Variants in PCDHGA9 observed in about 807,000 individuals in gnomAD.
The protein encoded by PCDHGA9 is protocadherin gamma subfamily A, 9, also known as protocadherin gamma-A9.
In PCDHGA9, 37 loss-of-function variants were observed where a neutral mutation model predicts 62.5. The observed-to-expected ratio is 0.59, with a 90% CI of 0.46 to 0.78. The LOEUF (loss-of-function observed/expected upper bound fraction) is 0.78. Ranked by LOEUF, PCDHGA9 falls within the 30% of genes least tolerant of loss-of-function variation. The pLI is 0.00. For synonymous variants in PCDHGA9, 459 were observed against 484.6 expected (o/e 0.95, Z 0.69); for missense variants, 1,138 against 1,166.2 (o/e 0.98, Z 0.35).
chr5:141,431,393 C>T lies in PCDHGA9; in HGVS notation c.2424+26017C>T, dbSNP rs1485575362. 5 of 1,613,884 alleles carry T rather than the reference C, an allele frequency of 3.1e-6. No individual in the cohort carries two copies. Among genetic ancestry groups the T allele is most frequent in the Non-Finnish European group, 4.2e-6 (5 of 1,180,048 alleles). On this transcript the variant is annotated intron_variant, in intron 1 of 3. Coordinates refer to ENST00000573521, the MANE Select transcript of PCDHGA9 (RefSeq NM_018921.3). The surrounding 1 kb of genome is among the most constrained non-coding windows in gnomAD (Gnocchi z 4.8). ...AGAAAAGGCTGCTCACCACCTGGTC[C>T]TTACGGCCTCCGACGGGGGCGACCC...
At chr5:141,436,425 G>A (rs2097823674) in intron 1 of PCDHGA9, among the ~76,000 whole-genome samples, 2 of 152,268 alleles carry the variant, frequency 1.3e-5, no homozygotes, top group Non-Finnish European at 2.9e-5. Context: ...AACAAATAAT[G>A]TACTCTGGGG....
intron 1 of PCDHGA9, among the ~76,000 whole-genome samples, chr5:141,447,276 A>G (rs2098532917): frequency 6.6e-6 from 1 of 151,994 alleles, no homozygotes; most frequent in South Asian, 2.1e-4. Flanking sequence ...AGTAGCTGGG[A>G]CTACAGGCAC....
chr5:141,428,222 C>A, intron 1 of PCDHGA9: 1 of 1,173,442 alleles, frequency 8.5e-7, no homozygotes, highest in Non-Finnish European at 1.2e-6. Flanking sequence ...CTAGTCTTCG[C>A]AGACAGCCTG....
At position 141,511,140 on chromosome 5, in the gene PCDHGA9, C is replaced by G. The variant is rs1405623579; in HGVS notation, c.2766C>G (p.Asn922Lys). Residue 922 changes from asparagine (N) to lysine (K), a missense_variant, in exon 4 of 4, where the codon AAC becomes AAG. Physicochemically the swap from Asn to Lys is moderately conservative, Grantham distance 94. Transcript: ENST00000573521. ...AGGCCCCAGCAGGTGGCAATGGCAACAAGAAGAAGTCGGGCAAGAAGGAGA... is the reference window on the plus strand; with the variant it reads ...AGGCCCCAGCAGGTGGCAATGGCAAGAAGAAGAAGTCGGGCAAGAAGGAGA... Reference protein sequence around the residue: ...DGKAPAGGNGNKKKSGKKEKK With the variant: ...DGKAPAGGNGKKKKSGKKEKK 2.5e-6 allele frequency: 4 copies of G among 1,614,068 alleles called. No homozygotes were observed. Among genetic ancestry groups the G allele is most frequent in the Admixed American group, 1.7e-5 (1 of 60,008 alleles).
At chr5:141,414,241 C>T in intron 1 of PCDHGA9, 1 of 1,613,472 alleles carries the variant, frequency 6.2e-7, no homozygotes, top group Non-Finnish European at 8.5e-7. Context: ...CATCACGTCT[C>T]TATTTAGTCC....
intron 1 of PCDHGA9, chr5:141,427,761 G>A (rs1228905550): frequency 3.7e-6 from 5 of 1,366,246 alleles, no homozygotes; most frequent in Non-Finnish European, 4.1e-6. Flanking sequence ...CGTTACCACT[G>A]ACTTGGAGCT....
At chr5:141,421,717 G>T in intron 1 of PCDHGA9, 2 of 1,613,932 alleles carry the variant, frequency 1.2e-6, no homozygotes, top group East Asian at 4.5e-5. Context: ...TCCAGATGTG[G>T]GCGTGAACTC....
At chr5:141,498,967 GGGAGGGAA>G (rs1395523211) in intron 2 of PCDHGA9, among the ~76,000 whole-genome samples, 34 of 129,670 alleles carry the variant, frequency 2.6e-4, no homozygotes, top group Admixed American at 1.5e-3. Flanking sequence ...GAGGGAGGGA[GGGAGGGAA>G]GGAAGGAAGG....
chr5:141,419,656 G>C lies in PCDHGA9; in HGVS notation c.2424+14280G>C. The C allele has an allele frequency of 1.9e-6, 3 of 1,612,648 alleles. No homozygotes were observed. The East Asian group carries it at 6.7e-5, about 36-fold the overall frequency. ...TGGTGGCCGTGGACGCGGACTCGGGGCACAATGCCTGGCTGTCCTACCACG... is the reference window on the plus strand; with the variant it reads ...TGGTGGCCGTGGACGCGGACTCGGGCCACAATGCCTGGCTGTCCTACCACG... On this transcript the variant is annotated intron_variant, in intron 1 of 3. Transcript: ENST00000573521.
chr5:141,502,491 T>G lies in PCDHGA9; in HGVS notation c.2484-2902T>G, dbSNP rs557202239. Among the ~76,000 whole-genome samples, 1,415 of 152,344 alleles carry G rather than the reference T, an allele frequency of 9.3e-3. 29 individuals carry two copies. The highest frequency in any genetic ancestry group is 0.033 in the African/African-American group (1,352 of 41,578). ...TCCCGCAGCATCACACTGGGACTCA[T>G]CTAACGTCGGCCTGTCCCACTATCA... is the stretch of plus-strand genomic sequence containing the variant. On this transcript the variant is annotated intron_variant, in intron 2 of 3. Transcript: ENST00000573521.
At chr5:141,473,369 G>T (rs888984972) in intron 1 of PCDHGA9, among the ~76,000 whole-genome samples, 1 of 152,200 alleles carries the variant, frequency 6.6e-6, no homozygotes, top group Non-Finnish European at 1.5e-5. Flanking sequence ...CACCAAAATA[G>T]CATGGTCCCT....
intron 1 of PCDHGA9, among the ~76,000 whole-genome samples, chr5:141,462,363 G>C (rs1425898350): frequency 6.6e-6 from 1 of 152,132 alleles, no homozygotes; most frequent in Non-Finnish European, 1.5e-5. Context: ...ACATTGTATA[G>C]TTTCTATTCT....
At chr5:141,488,198 G>C (rs1007623840) in intron 1 of PCDHGA9, among the ~76,000 whole-genome samples, 1 of 152,166 alleles carries the variant, frequency 6.6e-6, no homozygotes, top group Non-Finnish European at 1.5e-5. Flanking sequence ...CTGGGTCTTA[G>C]GACTCATATC....
At chr5:141,409,626 G>A (rs776642148) in intron 1 of PCDHGA9, 13 of 1,613,760 alleles carry the variant, frequency 8.1e-6, no homozygotes, top group Non-Finnish European at 5.1e-6. Flanking sequence ...GCGCAAGTGA[G>A]CGCCTCTGAC....
rs573580017 is a variant in PCDHGA9, at chr5:141,484,867, G to T, written c.2425-9940G>T. 33 of 282,678 alleles carry T rather than the reference G, an allele frequency of 1.2e-4. No individual in the cohort carries two copies. The South Asian group carries it at 1.6e-3, about 14-fold the overall frequency. The allele number at this position is 282,678 out of a possible 1,614,324, so 17.5% of individuals were successfully genotyped here. On this transcript the variant is annotated intron_variant, in intron 1 of 3. Transcript: ENST00000573521. ...TGGGTTTTTTGGGGGGTGGGGGAGC[G>T]TGGAGGATAGGGTGGGCTTTTTCCC...
chr5:141,464,402 G>GAT (rs1039725208), intron 1 of PCDHGA9, among the ~76,000 whole-genome samples: 22 of 150,720 alleles, frequency 1.5e-4, no homozygotes, highest in Admixed American at 7.3e-4. Context: ...AAGAACCTGA[G>GAT]ATATATATAT....
At chr5:141,419,004 T>C in intron 1 of PCDHGA9, 1 of 1,613,886 alleles carries the variant, frequency 6.2e-7, no homozygotes, top group Non-Finnish European at 8.5e-7. Context: ...AATGGGGAAG[T>C]CAGGTGTAGC....
At chr5:141,440,983 G>A (rs2154559140) in intron 1 of PCDHGA9, 1 of 152,314 alleles carries the variant, frequency 6.6e-6, no homozygotes, top group South Asian at 2.1e-4. Flanking sequence ...TCACAACCCA[G>A]AGTACCCATA....
Position 141,403,168 on chromosome 5 carries a change from G to T in PCDHGA9, c.216G>T (p.Thr72=). 8.7e-6 allele frequency: 14 copies of T among 1,614,032 alleles called. No individual in the cohort carries two copies. The highest frequency in any genetic ancestry group is 1.3e-5 in the African/African-American group (1 of 75,078). ...RRVRIVSRGR[T]QLFSLNPRSG... is the part of the protein sequence containing the mutation. The stretch of plus-strand genomic sequence containing the variant: ...TCCGCATCGTCTCTAGAGGTAGGAC[G>T]CAGCTTTTCTCTCTGAACCCGCGCA... The change falls in exon 1 of 4, where the codon ACG becomes ACT. Residue 72 remains threonine, a synonymous_variant. Coordinates refer to ENST00000573521, the MANE Select transcript of PCDHGA9 (RefSeq NM_018921.3).
Sources: gnomAD v4.1 joint callset for allele counts (sites outside exome capture counted in the v4.1 genomes callset) on GRCh38, gnomAD v4.1.1 for gene constraint, Gnocchi (gnomAD v3.1) non-coding constraint, MANE v1.5 for transcripts, NCBI Gene and HGNC (gene_info 2026-07-23, HGNC 2026-07-21) for gene names.